Variants in DOCK3 observed in about 807,000 individuals in gnomAD.
DOCK3 encodes dedicator of cytokinesis 3.
Under a neutral mutation model 265.6 loss-of-function variants are expected in DOCK3, and 60 were observed. That is an observed-to-expected ratio of 0.23 (90% confidence interval 0.18 to 0.28). DOCK3 has a LOEUF of 0.28. Ranked by LOEUF, DOCK3 falls within the 10% of genes least tolerant of loss-of-function variation. DOCK3 has a pLI of 1.00. For missense variants in DOCK3, 1,981 were observed against 2,594.3 expected, an observed-to-expected ratio of 0.76 and a Z score of 5.14; for synonymous variants, 881 against 938.0, an observed-to-expected ratio of 0.94 and a Z score of 1.11.
At chr3:51,245,019 A>G (rs1255349854) in intron 21 of DOCK3, among the ~76,000 whole-genome samples, 1 of 152,234 alleles carries the variant, frequency 6.6e-6, no homozygotes, top group Non-Finnish European at 1.5e-5. Flanking sequence ...AATATGAGAA[A>G]CACAGGTTAT....
chr3:51,172,799 C>G (rs537189048), intron 12 of DOCK3, among the ~76,000 whole-genome samples: 2 of 151,642 alleles, frequency 1.3e-5, no homozygotes, highest in Admixed American at 1.3e-4. Flanking sequence ...TTGTCTTCAC[C>G]TTCTGTGTAA....
intron 5 of DOCK3, among the ~76,000 whole-genome samples, chr3:51,048,925 G>A (rs1367027765): frequency 1.3e-5 from 2 of 151,754 alleles, no homozygotes; most frequent in South Asian, 2.1e-4. Context: ...TCAGGGTAAC[G>A]AGCAGCACAG....
At chr3:50,793,036 C>T (rs1032197552) in intron 2 of DOCK3, among the ~76,000 whole-genome samples, 1 of 152,104 alleles carries the variant, frequency 6.6e-6, no homozygotes, top group East Asian at 1.9e-4. Context: ...TTTGTCTGGT[C>T]CTTGGCCTCT....
chr3:50,993,360 C>T (rs1052991390), intron 5 of DOCK3, among the ~76,000 whole-genome samples: 1 of 152,154 alleles, frequency 6.6e-6, no homozygotes, highest in Non-Finnish European at 1.5e-5. Flanking sequence ...ATCCTATTAA[C>T]TATTTGATAC....
intron 12 of DOCK3, among the ~76,000 whole-genome samples, chr3:51,169,151 G>A (rs2086550379): frequency 6.6e-6 from 1 of 152,182 alleles, no homozygotes; most frequent in Non-Finnish European, 1.5e-5. Context: ...GTATAAATTA[G>A]TTCAACCATT....
chr3:50,742,189 G>T (rs13100927), intron 1 of DOCK3, among the ~76,000 whole-genome samples: 3 of 151,934 alleles, frequency 2.0e-5, no homozygotes, highest in Non-Finnish European at 2.9e-5. Flanking sequence ...ACCAAAAACC[G>T]ATCTGTACAT....
intron 2 of DOCK3, among the ~76,000 whole-genome samples, chr3:50,808,773 A>G (rs555709545): frequency 6.6e-6 from 1 of 152,352 alleles, no homozygotes; most frequent in African/African-American, 2.4e-5. Flanking sequence ...CCGTGGAGAT[A>G]TATCATCCAC....
intron 51 of DOCK3, 126 bp from the exon 52 acceptor site, chr3:51,379,999 G>C (rs1467980861): frequency 2.7e-6 from 2 of 734,184 alleles, no homozygotes; most frequent in Non-Finnish European, 4.3e-6. Context: ...TTTATCCATA[G>C]CCCTCAATGC....
rs151258052 is a variant in DOCK3, at chr3:51,168,728, G to A, written c.1037+8026G>A. 1.9e-3 allele frequency among the ~76,000 whole-genome samples: 282 copies of A among 152,176 alleles called. 1 individual carries two copies. Among genetic ancestry groups the A allele is most frequent in the Middle Eastern group, 6.8e-3 (2 of 294 alleles). ...TGACAAAAGCCATCGCAACAAATGC[G>A]AAAATTGACAAATGGGATCTAATTA... On this transcript the variant is annotated intron_variant, in intron 12 of 52. Transcript: ENST00000266037.
chr3:51,114,989 T>C (rs947016724), intron 9 of DOCK3, among the ~76,000 whole-genome samples: 6 of 152,192 alleles, frequency 3.9e-5, no homozygotes, highest in African/African-American at 1.4e-4. Flanking sequence ...GAACTCACCC[T>C]TTTTTATGAC....
At chr3:50,845,566 A>G (rs1382820118) in intron 3 of DOCK3, among the ~76,000 whole-genome samples, 1 of 152,172 alleles carries the variant, frequency 6.6e-6, no homozygotes, top group Non-Finnish European at 1.5e-5. Flanking sequence ...AAGGCAGGAA[A>G]GGCAGATTGG....
chr3:51,310,205 C>T (rs1320833919), intron 27 of DOCK3, 27 bp from the exon 28 acceptor site: 2 of 1,563,284 alleles, frequency 1.3e-6, no homozygotes, highest in Admixed American at 3.8e-5. Flanking sequence ...GTGGTGGTGT[C>T]TCACATCAGC....
chr3:50,689,573 G>A (rs2035068610), intron 1 of DOCK3, among the ~76,000 whole-genome samples: 1 of 152,154 alleles, frequency 6.6e-6, no homozygotes, highest in African/African-American at 2.4e-5. Flanking sequence ...CACGACACAT[G>A]GGGGATTATG....
At chr3:50,691,671 T>A (rs942553355) in intron 1 of DOCK3, among the ~76,000 whole-genome samples, 1 of 152,230 alleles carries the variant, frequency 6.6e-6, no homozygotes, top group Non-Finnish European at 1.5e-5. Flanking sequence ...TGCTATACAT[T>A]CCCACCAGCA....
chr3:50,945,522 A>C (rs2076404024), intron 5 of DOCK3, among the ~76,000 whole-genome samples: 1 of 152,194 alleles, frequency 6.6e-6, no homozygotes, highest in Admixed American at 6.5e-5. Flanking sequence ...AGAAATGAAC[A>C]ATTTCTAGAT....
intron 1 of DOCK3, among the ~76,000 whole-genome samples, chr3:50,746,610 A>G (rs1408566503): frequency 6.6e-6 from 1 of 152,148 alleles, no homozygotes; most frequent in East Asian, 1.9e-4. Flanking sequence ...TTTATAAAGA[A>G]AAGACGCTTA....
intron 5 of DOCK3, among the ~76,000 whole-genome samples, chr3:51,061,246 T>C (rs1382703479): frequency 1.1e-4 from 16 of 152,162 alleles, no homozygotes; most frequent in Admixed American, 6.6e-4. Context: ...CATGCTGCTA[T>C]AAAGACACAT....
At position 50,726,406 on chromosome 3, in the gene DOCK3, T is replaced by C. The variant is rs569454062; in HGVS notation, c.37+51106T>C. On this transcript the variant is annotated intron_variant, in intron 1 of 52. Transcript: ENST00000266037. ...ACTTTGTAAAGTGTATATTGGAGAA[T>C]CCAGAAGTCCATGTACATACCAGGG... is the stretch of plus-strand genomic sequence containing the variant. 3.3e-3 allele frequency among the ~76,000 whole-genome samples: 501 copies of C among 152,150 alleles called. 7 individuals are homozygous for C. The highest frequency in any genetic ancestry group is 0.011 in the African/African-American group (458 of 41,512).
chr3:51,253,851 G>A (rs574938499), intron 22 of DOCK3, among the ~76,000 whole-genome samples: 2 of 152,086 alleles, frequency 1.3e-5, no homozygotes, highest in South Asian at 4.2e-4. Flanking sequence ...GGTTTTTTGT[G>A]TCTCTATCTC....
Sources: allele counts gnomAD v4.1 joint callset (sites outside exome capture counted in the v4.1 genomes callset), GRCh38; gene constraint gnomAD v4.1.1; transcripts MANE v1.5; gene names NCBI Gene and HGNC (gene_info 2026-07-23, HGNC 2026-07-21).